The following AGO3 variants were observed in gnomAD, a reference collection of about 807,000 sequenced individuals.
AGO3 encodes protein argonaute-3.
AGO3 carries 16 observed loss-of-function variants against 105.5 expected under a neutral mutation model. The observed-to-expected ratio is 0.15, with a 90% CI of 0.10 to 0.23. The LOEUF is 0.23. Ranked by LOEUF, AGO3 falls within the 10% of genes least tolerant of loss-of-function variation. AGO3 has a pLI of 1.00. For synonymous variants in AGO3, 340 were observed against 367.3 expected, an observed-to-expected ratio of 0.93 and a Z score of 0.85; for missense variants, 534 against 1,088.0, an observed-to-expected ratio of 0.49 and a Z score of 7.16.
chr1:36,066,940 C>T lies in AGO3; in HGVS notation c.*11195C>T, dbSNP rs1427779951. 1 of 152,158 alleles carries T rather than the reference C, an allele frequency of 6.6e-6. No homozygotes were observed. Among genetic ancestry groups the T allele is most frequent in the African/African-American group, 2.4e-5 (1 of 41,446 alleles). The allele number at this position is 152,158 out of a possible 1,614,324, so 9.4% of individuals were successfully genotyped here. On this transcript the variant is annotated 3_prime_UTR_variant, in exon 19 of 19. Coordinates refer to ENST00000373191, the MANE Select transcript of AGO3 (RefSeq NM_024852.4). ...ACCTACAGAAGAGACCTAAGACGAG[C>T]GTCTCTGTAATCTAAATTTATATGA... is the stretch of plus-strand genomic sequence containing the variant.
chr1:36,014,257 C>G (rs1640768612), intron 11 of AGO3, among the ~76,000 whole-genome samples: 1 of 151,890 alleles, frequency 6.6e-6, no homozygotes, highest in African/African-American at 2.4e-5. Context: ...CTCCCAGGCT[C>G]AAGCAATTCT....
intron 17 of AGO3, 63 bp from the exon 18 acceptor site, chr1:36,054,883 A>AAAAAC (rs1319167859): frequency 4.6e-6 from 7 of 1,535,230 alleles, no homozygotes; most frequent in Non-Finnish European, 5.4e-6. Context: ...CTTTGTCTCA[A>AAAAAC]AAAACAAAAC....
intron 11 of AGO3, among the ~76,000 whole-genome samples, chr1:36,020,667 G>A (rs1389593647): frequency 1.3e-5 from 2 of 152,076 alleles, no homozygotes; most frequent in African/African-American, 4.8e-5. Flanking sequence ...CCAAGCTGGA[G>A]TGCAGTGGTG....
chr1:36,003,736 A>G (rs1006537300), intron 5 of AGO3, among the ~76,000 whole-genome samples: 2 of 142,002 alleles, frequency 1.4e-5, no homozygotes, highest in South Asian at 2.2e-4. Flanking sequence ...ATATATATAT[A>G]TATGTATATT....
intron 11 of AGO3, among the ~76,000 whole-genome samples, chr1:36,015,364 A>C (rs1434432982): frequency 6.6e-6 from 1 of 152,202 alleles, no homozygotes; most frequent in African/African-American, 2.4e-5. Flanking sequence ...GCTGGCCAGA[A>C]GCTCTCCAAA....
Position 35,942,765 on chromosome 1 carries a change from A to G in AGO3, c.20-2927A>G, listed in dbSNP as rs866254484. Among the ~76,000 whole-genome samples the G allele has an allele frequency of 2.1e-4, 32 of 152,178 alleles. No individual in the cohort carries two copies. The Middle Eastern group carries it at 0.014, about 65-fold the overall frequency. On this transcript the variant is annotated intron_variant, in intron 1 of 18. Coordinates refer to ENST00000373191, the MANE Select transcript of AGO3 (RefSeq NM_024852.4). ...TACAACCATTAAATTTACCATCTTA[A>G]CCATTTTTGTGTATAGTCAGTAGTG...
chr1:36,013,781 TAC>T (rs1485168145), intron 10 of AGO3, 29 bp downstream of exon 10: 1 of 1,610,676 alleles, frequency 6.2e-7, no homozygotes, highest in Non-Finnish European at 8.5e-7. Flanking sequence ...GTTTTAATCA[TAC>T]ACATATTGTC....
chr1:35,965,097 C>T (rs1282550176), intron 2 of AGO3, among the ~76,000 whole-genome samples: 4 of 150,846 alleles, frequency 2.7e-5, no homozygotes, highest in Non-Finnish European at 4.4e-5. Flanking sequence ...TCCCAGAATT[C>T]GTAAGGTTGA....
chr1:35,962,255 C>A (rs192169031), intron 2 of AGO3, among the ~76,000 whole-genome samples: 1 of 151,974 alleles, frequency 6.6e-6, no homozygotes, highest in Non-Finnish European at 1.5e-5. Flanking sequence ...TGAAAACATA[C>A]GTTACTGGCC....
intron 2 of AGO3, among the ~76,000 whole-genome samples, chr1:35,952,109 G>A (rs1364890321): frequency 7.0e-6 from 1 of 142,310 alleles, no homozygotes; most frequent in Non-Finnish European, 1.5e-5. Flanking sequence ...GTTCTGGGTC[G>A]GTCTTTCTTT....
rs1646785452 is a variant in AGO3, at chr1:35,966,952, T to C, written c.192-3T>C. ...ATGTGAATATATTGTTTCCCTTCTTTAGGGAGGTGGTTGACTCAATGGTTC... is the reference window on the plus strand; with the variant it reads ...ATGTGAATATATTGTTTCCCTTCTTCAGGGAGGTGGTTGACTCAATGGTTC... On this transcript the variant is annotated splice_region_variant and splice_polypyrimidine_tract_variant and intron_variant, in intron 2 of 18. Coordinates refer to ENST00000373191, the MANE Select transcript of AGO3 (RefSeq NM_024852.4). 6.2e-7 allele frequency: 1 copy of C among 1,605,354 alleles called. No individual in the cohort carries two copies. Among genetic ancestry groups the C allele is most frequent in the South Asian group, 1.1e-5 (1 of 89,118 alleles).
intron 5 of AGO3, among the ~76,000 whole-genome samples, chr1:36,000,627 A>T (rs1461746587): frequency 1.3e-5 from 2 of 152,136 alleles, no homozygotes; most frequent in Non-Finnish European, 2.9e-5. Context: ...TTTATCTTTC[A>T]TTTACTTTTT....
rs1643176009 is a variant in AGO3, at chr1:36,072,309, A to C, written c.*16564A>C. The C allele has an allele frequency of 6.6e-6, 1 of 152,240 alleles. No individual in the cohort carries two copies. Among genetic ancestry groups the C allele is most frequent in the Non-Finnish European group, 1.5e-5 (1 of 68,048 alleles). The allele number at this position is 152,240 out of a possible 1,614,324, so 9.4% of individuals were successfully genotyped here. A position where few individuals can be genotyped will look rare whatever the true frequency, so the allele number is the denominator to read the frequency against. ...AATTGTCATGATTCTTTCTGAGCCA[A>C]ACTGTCACGAAATGTTCTGTGACAG... On this transcript the variant is annotated 3_prime_UTR_variant, in exon 19 of 19. Coordinates refer to ENST00000373191, the MANE Select transcript of AGO3 (RefSeq NM_024852.4).
intron 5 of AGO3, among the ~76,000 whole-genome samples, chr1:35,979,106 T>A (rs1647003598): frequency 6.6e-6 from 1 of 152,208 alleles, no homozygotes; most frequent in African/African-American, 2.4e-5. Context: ...GGCTCATGCC[T>A]GTAATCCCAG....
chr1:35,990,668 C>T (rs1277588138), intron 5 of AGO3, among the ~76,000 whole-genome samples: 1 of 152,078 alleles, frequency 6.6e-6, no homozygotes, highest in African/African-American at 2.4e-5. Context: ...GAAGTTCACA[C>T]TGCTGCTTTT....
intron 16 of AGO3, 54 bp from the exon 17 acceptor site, chr1:36,043,393 A>G: frequency 7.1e-7 from 1 of 1,405,978 alleles, no homozygotes; most frequent in Non-Finnish European, 1.0e-6. Flanking sequence ...AAGTGCTTTC[A>G]GATATATTTT....
At chr1:35,945,506 G>C (rs1646347110) in intron 1 of AGO3, among the ~76,000 whole-genome samples, 186 bp from the exon 2 acceptor site, 1 of 152,108 alleles carries the variant, frequency 6.6e-6, no homozygotes, top group Non-Finnish European at 1.5e-5. Context: ...GGTTTTCTGT[G>C]TTTATTTTTA....
At chr1:35,983,450 A>T (rs1647096868) in intron 5 of AGO3, 1 of 151,028 alleles carries the variant, frequency 6.6e-6, no homozygotes, top group Admixed American at 6.6e-5. Context: ...AAAATTAGCT[A>T]GGTGTGGTGC....
At chr1:35,993,626 G>A (rs924770861) in intron 5 of AGO3, among the ~76,000 whole-genome samples, 2 of 151,200 alleles carry the variant, frequency 1.3e-5, no homozygotes, top group African/African-American at 4.9e-5. Flanking sequence ...CAAAACTCCA[G>A]TCCCAAATGA....
Sources: allele counts gnomAD v4.1 joint callset (sites outside exome capture counted in the v4.1 genomes callset), GRCh38; gene constraint gnomAD v4.1.1; transcripts MANE v1.5; gene names NCBI Gene and HGNC (gene_info 2026-07-23, HGNC 2026-07-21).